Variants in UBOX5 observed in about 807,000 individuals in gnomAD.
UBOX5 encodes RING finger protein 37.
A neutral mutation model predicts 39.0 loss-of-function variants in UBOX5; 28 were observed. That is an observed-to-expected ratio of 0.72 (90% CI 0.53 to 0.98). The LOEUF is 0.98. Ranked by LOEUF, UBOX5 falls within the 50% of genes least tolerant of loss-of-function variation. The pLI is 0.00. For missense variants in UBOX5, 585 were observed against 674.4 expected (o/e 0.87, Z 1.47); for synonymous variants, 283 against 275.5 (o/e 1.03, Z -0.27).
rs527251255 is a variant in UBOX5 at position 3,121,314 on chromosome 20, G to C, written c.1255+70C>G. 4.9e-3 allele frequency: 7,517 copies of C among 1,541,826 alleles called. 26 individuals are homozygous for C. Among genetic ancestry groups the C allele is most frequent in the Non-Finnish European group, 6.1e-3 (6,977 of 1,144,668 alleles). On this transcript the variant is annotated intron_variant, in intron 3 of 4. Transcript: ENST00000217173. ...TAAGCTGGCCAAGCACAAAGCAAAGGGCAGCAGAGCTGAGAGCTCCTGGGA... is the reference window on the plus strand; with the variant it reads ...TAAGCTGGCCAAGCACAAAGCAAAGCGCAGCAGAGCTGAGAGCTCCTGGGA...
intron 1 of UBOX5, chr20:3,148,814 G>A: frequency 6.2e-7 from 1 of 1,614,236 alleles, no homozygotes; most frequent in South Asian, 1.1e-5. Flanking sequence ...ACTGGCCTTA[G>A]AGGAAGAAGT....
chr20:3,144,570 G>C (rs1160652285), intron 1 of UBOX5, among the ~76,000 whole-genome samples: 1 of 152,056 alleles, frequency 6.6e-6, no homozygotes, highest in Non-Finnish European at 1.5e-5. Flanking sequence ...ACTTGGCAAT[G>C]GTTTCTTAAA....
intron 1 of UBOX5, among the ~76,000 whole-genome samples, chr20:3,159,410 T>A (rs1568485817): frequency 6.6e-6 from 1 of 152,216 alleles, no homozygotes; most frequent in Non-Finnish European, 1.5e-5. Context: ...CTCTAAGCGA[T>A]TCGCAGGCAC....
chr20:3,148,971 T>A, intron 1 of UBOX5: 1 of 1,614,192 alleles, frequency 6.2e-7, no homozygotes, highest in Non-Finnish European at 8.5e-7. Flanking sequence ...TGTGTGCTGC[T>A]CACATTCCAG....
intron 1 of UBOX5, among the ~76,000 whole-genome samples, chr20:3,135,201 G>A (rs2066460328): frequency 6.6e-6 from 1 of 152,084 alleles, no homozygotes; most frequent in Non-Finnish European, 1.5e-5. Flanking sequence ...GGTCAACTCA[G>A]GGGAAAATTC....
intron 1 of UBOX5, among the ~76,000 whole-genome samples, chr20:3,133,726 G>A (rs191337685): frequency 6.7e-6 from 1 of 149,510 alleles, no homozygotes; most frequent in East Asian, 1.9e-4. Flanking sequence ...TTTTGCCAAG[G>A]GGTAAGCTCT....
At position 3,149,085 on chromosome 20, in the gene UBOX5, T is replaced by C. The variant is rs1295194425; in HGVS notation, c.-42+10681A>G. The C allele has an allele frequency of 1.3e-6, 2 of 1,595,914 alleles. No homozygotes were observed. Among genetic ancestry groups the C allele is most frequent in the Non-Finnish European group, 1.7e-6 (2 of 1,170,740 alleles). Reference sequence around the variant, plus strand: ...GTAGCTGCCATTCTGGTGTCAGTATTGATCTCTTTGGCAGTCAGAATACAG... The same window carrying C: ...GTAGCTGCCATTCTGGTGTCAGTATCGATCTCTTTGGCAGTCAGAATACAG... On this transcript the variant is annotated intron_variant, in intron 1 of 4. Transcript: ENST00000217173. The surrounding 1 kb of genome is among the most constrained non-coding windows in gnomAD (Gnocchi z 4.1).
At chr20:3,142,925 A>G (rs1438023438) in intron 1 of UBOX5, among the ~76,000 whole-genome samples, 3 of 151,874 alleles carry the variant, frequency 2.0e-5, no homozygotes, top group Admixed American at 2.0e-4. Context: ...CAGAGCAATA[A>G]GGCAAGAAAA....
intron 4 of UBOX5, among the ~76,000 whole-genome samples, chr20:3,114,620 C>T (rs937238570): frequency 2.0e-5 from 3 of 151,966 alleles, no homozygotes; most frequent in South Asian, 2.1e-4. Flanking sequence ...TAAAGTGCCC[C>T]GGATGTCAGA....
chr20:3,115,143 A>G (rs2066283419), intron 4 of UBOX5, among the ~76,000 whole-genome samples, 162 bp downstream of exon 4: 1 of 152,186 alleles, frequency 6.6e-6, no homozygotes, highest in Non-Finnish European at 1.5e-5. Context: ...CTACCCCTGG[A>G]AAAGGCAAGA....
In UBOX5 at chr20:3,150,500, G is replaced by A. The variant is rs1017029737; in HGVS notation, c.-42+9266C>T. On this transcript the variant is annotated intron_variant, in intron 1 of 4. Coordinates refer to ENST00000217173, the MANE Select transcript of UBOX5 (RefSeq NM_014948.4). ...ATGAAATTGATTCTGCTGTGCTCTC[G>A]CTTTCCTTAATGCTTATTCTTTTTC... 2.6e-5 allele frequency: 4 copies of A among 152,256 alleles called. No homozygotes were observed. In the Middle Eastern group the frequency reaches 0.01, roughly 388 times the overall value. The allele number at this position is 152,256 out of a possible 1,614,324, so 9.4% of individuals were successfully genotyped here.
At chr20:3,130,184 T>C (rs2148603203) in intron 1 of UBOX5, among the ~76,000 whole-genome samples, 1 of 152,010 alleles carries the variant, frequency 6.6e-6, no homozygotes, top group East Asian at 1.9e-4. Flanking sequence ...CACACCACTG[T>C]ACTCCATCCA....
intron 1 of UBOX5, chr20:3,147,795 G>C: frequency 6.2e-7 from 1 of 1,614,100 alleles, no homozygotes; most frequent in Non-Finnish European, 8.5e-7. Flanking sequence ...TCTTTACTTC[G>C]ACAGTGTGCC....
At chr20:3,123,977 CAGA>C (rs2066357949) in intron 1 of UBOX5, among the ~76,000 whole-genome samples, 1 of 151,960 alleles carries the variant, frequency 6.6e-6, no homozygotes, top group Non-Finnish European at 1.5e-5. Flanking sequence ...TGCTTGAGCC[CAGA>C]AGTTCAAGAC....
intron 1 of UBOX5, among the ~76,000 whole-genome samples, chr20:3,138,875 A>G (rs2066492891): frequency 6.6e-6 from 1 of 152,200 alleles, no homozygotes; most frequent in Non-Finnish European, 1.5e-5. Flanking sequence ...CAAAGTTACC[A>G]TAGCTGCGTT....
intron 1 of UBOX5, chr20:3,147,461 A>G (rs2066577193): frequency 6.2e-7 from 1 of 1,614,098 alleles, no homozygotes; most frequent in Non-Finnish European, 8.5e-7. Flanking sequence ...CTCTTGCTGA[A>G]GGTGAGTACT....
At chr20:3,158,206 A>C (rs183799031) in intron 1 of UBOX5, among the ~76,000 whole-genome samples, 1 of 152,218 alleles carries the variant, frequency 6.6e-6, no homozygotes, top group East Asian at 1.9e-4. Context: ...CCTGGGCTCA[A>C]GTAATCCTTC....
At position 3,121,416 on chromosome 20, in the gene UBOX5, T is replaced by C; in HGVS notation, c.1223A>G (p.Glu408Gly). 6.2e-7 allele frequency: 1 copy of C among 1,613,850 alleles called. No individual in the cohort carries two copies. Among genetic ancestry groups the C allele is most frequent in the Non-Finnish European group, 8.5e-7 (1 of 1,179,824 alleles). Residue 408 changes from glutamate (E) to glycine (G), a missense_variant, in exon 3 of 5, where the codon GAG becomes GGG. Physicochemically the swap from Glu to Gly is moderately conservative, Grantham distance 98. Coordinates refer to ENST00000217173, the MANE Select transcript of UBOX5 (RefSeq NM_014948.4). ...GCAGTCCATATGTGTCAGGCTGGGC[T>C]CATTGGTGGCTTTCATTTTCTTAGC... is the stretch of plus-strand genomic sequence containing the variant. Reference protein sequence around the residue: ...HTAKKMKATNEPSLTHMDCST... With the variant: ...HTAKKMKATNGPSLTHMDCST...
intron 1 of UBOX5, among the ~76,000 whole-genome samples, chr20:3,142,645 C>G (rs1035392300): frequency 4.3e-4 from 63 of 147,548 alleles, no homozygotes; most frequent in African/African-American, 1.5e-3. Flanking sequence ...TGGTGGCACA[C>G]TCCTGTAATC....
Sources: gnomAD v4.1 joint callset for allele counts (sites outside exome capture counted in the v4.1 genomes callset) on GRCh38, gnomAD v4.1.1 for gene constraint, Gnocchi (gnomAD v3.1) non-coding constraint, MANE v1.5 for transcripts, NCBI Gene and HGNC (gene_info 2026-07-23, HGNC 2026-07-21) for gene names.